YAP1: variants seen among roughly 807,000 people sequenced by gnomAD.
YAP1 encodes transcriptional coactivator YAP1.
Under a neutral mutation model 56.9 loss-of-function variants are expected in YAP1, and 5 were observed. The observed-to-expected ratio is 0.09, with a 90% confidence interval of 0.05 to 0.18. YAP1 has a LOEUF of 0.18. Among genes scored for constraint, YAP1 ranks in the 10% least tolerant of loss-of-function variants. YAP1 has a pLI of 1.00. For missense variants in YAP1, 539 were observed against 651.8 expected (o/e 0.83, Z 1.88); for synonymous variants, 265 against 248.1 (o/e 1.07, Z -0.64).
chr11:102,114,815 G>A (rs1264677368), intron 2 of YAP1, among the ~76,000 whole-genome samples: 1 of 152,024 alleles, frequency 6.6e-6, no homozygotes, highest in East Asian at 1.9e-4. Context: ...ATATTTTATT[G>A]GTAGAGAACT....
At chr11:102,133,964 C>CA (rs1944523992) in intron 2 of YAP1, among the ~76,000 whole-genome samples, 1 of 152,190 alleles carries the variant, frequency 6.6e-6, no homozygotes, top group Non-Finnish European at 1.5e-5. Context: ...AGAAAATACA[C>CA]ACTGTCATGT....
intron 4 of YAP1, among the ~76,000 whole-genome samples, chr11:102,191,562 C>A (rs1226678218): frequency 6.6e-6 from 1 of 152,188 alleles, no homozygotes; most frequent in Admixed American, 6.5e-5. Context: ...AATGCTGATA[C>A]ATGAAAATTT....
chr11:102,200,724 C>CCCATGACATGTA (rs1417141044), intron 4 of YAP1, among the ~76,000 whole-genome samples: 1 of 152,112 alleles, frequency 6.6e-6, no homozygotes, highest in Non-Finnish European at 1.5e-5. Flanking sequence ...GGATTACAGG[C>CCCATGACATGTA]ATGAGCCACC....
In YAP1 at chr11:102,232,233, T is replaced by C. The variant is rs574122023; in HGVS notation, c.*2293T>C. On this transcript the variant is annotated 3_prime_UTR_variant, in exon 9 of 9. Coordinates refer to ENST00000282441, the MANE Select transcript of YAP1 (RefSeq NM_001130145.3). ...AGCCACAGATTAAGATTATATCTTA[T>C]ATATCAGCAGATTAGCTTTAGCTTA... 7.8e-6 allele frequency: 1 copy of C among 128,544 alleles called. No individual in the cohort carries two copies. Among genetic ancestry groups the C allele is most frequent in the Admixed American group, 1.0e-4 (1 of 9,812 alleles). The allele number at this position is 128,544 out of a possible 1,614,324, so 8.0% of individuals were successfully genotyped here.
At chr11:102,111,501 AG>A (rs1435742047) in intron 1 of YAP1, among the ~76,000 whole-genome samples, 3 of 22,452 alleles carry the variant, frequency 1.3e-4, no homozygotes, top group Non-Finnish European at 8.4e-5. Flanking sequence ...AGGGGTGGGG[AG>A]GAAGGAAGGG....
chr11:102,220,570 T>G (rs1949877743), intron 6 of YAP1, among the ~76,000 whole-genome samples: 2 of 151,994 alleles, frequency 1.3e-5, no homozygotes, highest in Non-Finnish European at 2.9e-5. Context: ...GAATGATCAG[T>G]CATGAATTTA....
intron 2 of YAP1, among the ~76,000 whole-genome samples, chr11:102,129,410 G>A (rs1944240050): frequency 6.6e-6 from 1 of 151,940 alleles, no homozygotes; most frequent in South Asian, 2.1e-4. Flanking sequence ...CACGAGGTCA[G>A]GAGTTCAAGA....
At chr11:102,224,249 A>C (rs1397853562) in intron 7 of YAP1, among the ~76,000 whole-genome samples, 2 of 152,240 alleles carry the variant, frequency 1.3e-5, no homozygotes, top group Non-Finnish European at 2.9e-5. Context: ...TCAAAAATGC[A>C]CTAAGATTAA....
At chr11:102,159,210 C>T (rs868290691) in intron 2 of YAP1, among the ~76,000 whole-genome samples, 1 of 151,984 alleles carries the variant, frequency 6.6e-6, no homozygotes, top group Non-Finnish European at 1.5e-5. Context: ...TTTTTGCTGG[C>T]GAGGTGTTTA....
intron 6 of YAP1, among the ~76,000 whole-genome samples, chr11:102,211,365 T>C (rs1949395645): frequency 1.3e-5 from 2 of 152,206 alleles, no homozygotes; most frequent in South Asian, 4.1e-4. Context: ...TAGTAAAGCT[T>C]CTAAGATACG....
intron 4 of YAP1, among the ~76,000 whole-genome samples, chr11:102,191,496 C>T (rs1411119429): frequency 1.3e-5 from 2 of 151,786 alleles, no homozygotes; most frequent in Non-Finnish European, 2.9e-5. Flanking sequence ...CTTTTGATAC[C>T]TAGAATTTAA....
intron 2 of YAP1, among the ~76,000 whole-genome samples, chr11:102,146,937 T>G (rs1945354211): frequency 6.6e-6 from 1 of 152,218 alleles, no homozygotes; most frequent in African/African-American, 2.4e-5. Context: ...AGGGCATGAT[T>G]TGTTCTGAAA....
chr11:102,201,819 A>G (rs983317698), intron 4 of YAP1, among the ~76,000 whole-genome samples: 2 of 152,150 alleles, frequency 1.3e-5, no homozygotes, highest in African/African-American at 4.8e-5. Context: ...CAACAGAATA[A>G]TAATAGGTAC....
intron 6 of YAP1, among the ~76,000 whole-genome samples, chr11:102,215,981 ACCT>A (rs533371543): frequency 7.6e-4 from 116 of 152,250 alleles, no homozygotes; most frequent in African/African-American, 2.7e-3. Context: ...AAAAACAACA[ACCT>A]CTGCCTCCCA....
intron 4 of YAP1, among the ~76,000 whole-genome samples, chr11:102,194,279 A>G (rs1315707370): frequency 6.6e-6 from 1 of 152,228 alleles, no homozygotes; most frequent in Non-Finnish European, 1.5e-5. Context: ...GAATTATTGG[A>G]AAGGTCAAAT....
intron 6 of YAP1, among the ~76,000 whole-genome samples, chr11:102,221,062 A>G (rs189375672): frequency 6.6e-6 from 1 of 152,322 alleles, no homozygotes; most frequent in East Asian, 1.9e-4. Context: ...GATGAAGGTC[A>G]CTGGAATCCA....
At chr11:102,196,729 A>G (rs1015480994) in intron 4 of YAP1, among the ~76,000 whole-genome samples, 6 of 149,772 alleles carry the variant, frequency 4.0e-5, no homozygotes, top group Non-Finnish European at 7.4e-5. Context: ...CAGTACATGT[A>G]ACAAGGGTGA....
chr11:102,161,947 A>G (rs1234637185), intron 2 of YAP1, among the ~76,000 whole-genome samples: 1 of 152,240 alleles, frequency 6.6e-6, no homozygotes, highest in Non-Finnish European at 1.5e-5. Context: ...ATGAAAACTT[A>G]CAGATGAAGT....
In YAP1 at chr11:102,186,337, C is replaced by A. The variant is rs12787996; in HGVS notation, c.802+206C>A. ...GATCTGAATCAGATTTTTAGGGCTC[C>A]TCAGGTTGGGGTGGGGGAATGTCAT... is the stretch of plus-strand genomic sequence containing the variant. On this transcript the variant is annotated intron_variant, in intron 4 of 8. Transcript: ENST00000282441. The A allele has an allele frequency of 0.32, 165,458 of 511,426 alleles. 28,304 individuals are homozygous for A. Among genetic ancestry groups the A allele is most frequent in the East Asian group, 0.47 (10,970 of 23,552 alleles). The allele number at this position is 511,426 out of a possible 1,614,324, so 31.7% of individuals were successfully genotyped here. A position where few individuals can be genotyped will look rare whatever the true frequency, so the allele number is the denominator to read the frequency against.
Sources: gnomAD v4.1 joint callset for allele counts (sites outside exome capture counted in the v4.1 genomes callset) on GRCh38, gnomAD v4.1.1 for gene constraint, MANE v1.5 for transcripts, NCBI Gene and HGNC (gene_info 2026-07-23, HGNC 2026-07-21) for gene names.